DMD: variants seen among roughly 807,000 people sequenced by gnomAD.
The protein encoded by DMD is dystrophin.
Under a neutral mutation model 330.1 loss-of-function variants are expected in DMD, and 63 were observed. That is an observed-to-expected ratio of 0.19 (90% CI 0.16 to 0.24). The LOEUF (loss-of-function observed/expected upper bound fraction) is 0.24. Ranked by LOEUF, DMD falls within the 10% of genes least tolerant of loss-of-function variation. The pLI, the probability that DMD is intolerant of heterozygous loss-of-function variation, is 1.00. For synonymous variants in DMD, 1,223 were observed against 959.8 expected (o/e 1.27, Z -5.07); for missense variants, 3,344 against 2,684.1 (o/e 1.25, Z -5.43).
intron 60 of DMD, among the ~76,000 whole-genome samples, chrX:31,408,168 G>C (rs1048173467): frequency 1.0e-3 from 113 of 111,664 alleles, no homozygotes; most frequent in African/African-American, 3.3e-3. Flanking sequence ...ACCCCTGTTA[G>C]CAATGACAGG....
intron 44 of DMD, among the ~76,000 whole-genome samples, chrX:32,029,348 A>C (rs1037972227): frequency 4.5e-5 from 5 of 111,839 alleles, no homozygotes; most frequent in African/African-American, 1.6e-4. Context: ...GTAGAGGTCA[A>C]ACTTCACAAA....
At chrX:32,469,904 T>C (rs1432183891) in intron 22 of DMD, among the ~76,000 whole-genome samples, 1 of 111,162 alleles carries the variant, frequency 9.0e-6, no homozygotes, top group South Asian at 3.7e-4. Flanking sequence ...CATTTACATC[T>C]TTGAGTGTAT....
At chrX:33,163,313 G>A (rs962168431) in intron 1 of DMD, among the ~76,000 whole-genome samples, 3 of 109,496 alleles carry the variant, frequency 2.7e-5, no homozygotes, top group Non-Finnish European at 5.7e-5. Flanking sequence ...GAGGCAGGTG[G>A]ATCACCCGAG....
intron 7 of DMD, among the ~76,000 whole-genome samples, chrX:32,767,299 A>C (rs2148431172): frequency 9.0e-6 from 1 of 111,158 alleles, no homozygotes; most frequent in South Asian, 3.7e-4. Context: ...GTTTTTACAA[A>C]ATTTTCCTAT....
chrX:33,091,733 G>C (rs2095087870), intron 1 of DMD, among the ~76,000 whole-genome samples: 1 of 111,579 alleles, frequency 9.0e-6, no homozygotes, highest in Non-Finnish European at 1.9e-5. Flanking sequence ...CTGCTTTACA[G>C]AATTGGAGGT....
intron 1 of DMD, among the ~76,000 whole-genome samples, chrX:33,231,787 A>C (rs1195374789): frequency 8.9e-6 from 1 of 111,759 alleles, no homozygotes; most frequent in Non-Finnish European, 1.9e-5. Context: ...ATAGTTAGAG[A>C]TATAAGCTGC....
intron 37 of DMD, among the ~76,000 whole-genome samples, chrX:32,353,039 C>A (rs190155717): frequency 9.0e-6 from 1 of 110,669 alleles, no homozygotes; most frequent in African/African-American, 3.3e-5. Flanking sequence ...AGTTTTAGAA[C>A]TACCTATATA....
chrX:32,165,012 G>A (rs1312865839), intron 44 of DMD, among the ~76,000 whole-genome samples: 4 of 112,608 alleles, frequency 3.6e-5, no homozygotes, highest in Non-Finnish European at 7.5e-5. Context: ...TTCAGAGGAT[G>A]TATGGAAACT....
chrX:32,761,555 G>T (rs1025135286), intron 7 of DMD, among the ~76,000 whole-genome samples: 2 of 112,043 alleles, frequency 1.8e-5, no homozygotes, highest in African/African-American at 6.5e-5. Flanking sequence ...TGGAATCAAA[G>T]TCAGATGCCA....
rs1306877733 is a variant in DMD at position 31,780,057 on chromosome X, A to G, written c.7310-5865T>C. Among the ~76,000 whole-genome samples the G allele has an allele frequency of 2.7e-5, 3 of 111,647 alleles. No individual in the cohort carries two copies. The East Asian group carries it at 8.4e-4, about 31-fold the overall frequency. Reference sequence around the variant, plus strand: ...TCAAGTGTTTGAAGAACACTTCTCTAGTCTGAAAATTTAATTGGTTTCAGG... The same window carrying G: ...TCAAGTGTTTGAAGAACACTTCTCTGGTCTGAAAATTTAATTGGTTTCAGG... On this transcript the variant is annotated intron_variant, in intron 50 of 78. Coordinates refer to ENST00000357033, the MANE Select transcript of DMD (RefSeq NM_004006.3).
intron 1 of DMD, among the ~76,000 whole-genome samples, chrX:33,252,000 T>G (rs1243580225): frequency 2.7e-5 from 3 of 112,335 alleles, no homozygotes; most frequent in Non-Finnish European, 5.6e-5. Flanking sequence ...TGTCAATACT[T>G]AAACTACTCA....
chrX:31,316,700 A>T (rs1324980999), intron 62 of DMD, among the ~76,000 whole-genome samples: 1 of 112,276 alleles, frequency 8.9e-6, no homozygotes, highest in Admixed American at 9.4e-5. Flanking sequence ...TTGTGGTTCC[A>T]GAGCTTACTG....
chrX:31,264,972 T>C lies in DMD; in HGVS notation c.9225-3956A>G, dbSNP rs781199480. Among the ~76,000 whole-genome samples, 6 of 112,853 alleles carry C rather than the reference T, an allele frequency of 5.3e-5. No individual in the cohort carries two copies. The South Asian group carries it at 1.5e-3, about 27-fold the overall frequency. On this transcript the variant is annotated intron_variant, in intron 62 of 78. Transcript: ENST00000357033. ...CTTATAAAAAGTAACAAATATCTAC[T>C]GCTGTGGCTGGGAAAATGGCAGTTG...
At chrX:32,879,043 A>T (rs867612992) in intron 2 of DMD, among the ~76,000 whole-genome samples, 1 of 109,087 alleles carries the variant, frequency 9.2e-6, no homozygotes, top group Non-Finnish European at 1.9e-5. Context: ...AAACAAAAAA[A>T]AAACAACTAA....
At chrX:32,184,615 C>G (rs753909414) in intron 44 of DMD, among the ~76,000 whole-genome samples, 1 of 111,282 alleles carries the variant, frequency 9.0e-6, no homozygotes, top group Admixed American at 9.6e-5. Context: ...CAGGTCTTCT[C>G]TTCGGGTTCA....
intron 1 of DMD, among the ~76,000 whole-genome samples, chrX:33,045,435 T>C (rs1288494694): frequency 9.0e-6 from 1 of 111,211 alleles, no homozygotes; most frequent in Non-Finnish European, 1.9e-5. Flanking sequence ...GGGTTGTTTA[T>C]AAATACAGAG....
At chrX:31,643,659 G>A (rs1168828740) in intron 54 of DMD, among the ~76,000 whole-genome samples, 4 of 111,758 alleles carry the variant, frequency 3.6e-5, no homozygotes, top group African/African-American at 1.3e-4. Context: ...GTTCTATGAA[G>A]AATACATTTT....
At chrX:32,324,691 C>A (rs990423825) in intron 41 of DMD, among the ~76,000 whole-genome samples, 1 of 111,595 alleles carries the variant, frequency 9.0e-6, no homozygotes, top group Middle Eastern at 4.7e-3. Context: ...AAAATCATAG[C>A]TGTAGTTGGT....
intron 19 of DMD, among the ~76,000 whole-genome samples, chrX:32,494,960 G>T (rs2043344058): frequency 9.0e-6 from 1 of 111,215 alleles, no homozygotes; most frequent in Non-Finnish European, 1.9e-5. Context: ...GGGCAACAGA[G>T]CAAGAGCCTG....
Sources: allele counts gnomAD v4.1 joint callset (sites outside exome capture counted in the v4.1 genomes callset), GRCh38; gene constraint gnomAD v4.1.1; transcripts MANE v1.5; gene names NCBI Gene and HGNC (gene_info 2026-07-23, HGNC 2026-07-21).